Variants in WWP2 observed in about 807,000 individuals in gnomAD.
WWP2 encodes the protein NEDD4-like E3 ubiquitin-protein ligase WWP2.
In WWP2, 57 loss-of-function variants were observed where a neutral mutation model predicts 121.0. That is an observed-to-expected ratio of 0.47 (90% CI 0.38 to 0.59). The LOEUF (loss-of-function observed/expected upper bound fraction) is 0.59. Ranked by LOEUF, WWP2 falls within the 20% of genes least tolerant of loss-of-function variation. The probability of loss-of-function intolerance (pLI) is 0.00; values close to 1 mark genes in which losing one functional copy is unlikely to be tolerated. For missense variants in WWP2, 962 were observed against 1,158.9 expected, an observed-to-expected ratio of 0.83 and a Z score of 2.47; for synonymous variants, 449 against 441.3, an observed-to-expected ratio of 1.02 and a Z score of -0.22.
intron 4 of WWP2, among the ~76,000 whole-genome samples, chr16:69,829,589 A>G (rs2056759490): frequency 6.6e-6 from 1 of 152,162 alleles, no homozygotes. Flanking sequence ...CTACCCTGCT[A>G]GCTGTCTTCT....
At chr16:69,841,937 C>T (rs376554965) in intron 5 of WWP2, 87 bp from the exon 6 acceptor site, 23 of 1,331,338 alleles carry the variant, frequency 1.7e-5, no homozygotes, top group South Asian at 7.7e-5. Context: ...AACACACAGA[C>T]GGAGTTCTGT....
intron 13 of WWP2, among the ~76,000 whole-genome samples, chr16:69,930,657 C>T (rs1417947761): frequency 6.6e-6 from 1 of 152,154 alleles, no homozygotes; most frequent in East Asian, 1.9e-4. Context: ...TATGATGGCA[C>T]CACTGCACTC....
chr16:69,791,934 G>C lies in WWP2; in HGVS notation c.70+4854G>C, dbSNP rs148131948. 2.2e-3 allele frequency among the ~76,000 whole-genome samples: 336 copies of C among 150,144 alleles called. 2 individuals carry two copies. The highest frequency in any genetic ancestry group is 5.6e-3 in the South Asian group (27 of 4,826). Reference sequence around the variant, plus strand: ...TCTTGAAGGTGAATTTTCTTACCAGGGTGGAAAGAGCCAGCTTGATAATAC... The same window carrying C: ...TCTTGAAGGTGAATTTTCTTACCAGCGTGGAAAGAGCCAGCTTGATAATAC... On this transcript the variant is annotated intron_variant, in intron 2 of 23. Transcript: ENST00000359154.
At chr16:69,777,541 T>A (rs2055562219) in intron 1 of WWP2, among the ~76,000 whole-genome samples, 1 of 151,874 alleles carries the variant, frequency 6.6e-6, no homozygotes, top group African/African-American at 2.4e-5. Context: ...CCTCAAGCAA[T>A]TCACCCACCT....
In WWP2 at chr16:69,934,011, T is replaced by C. The variant is rs770525394; in HGVS notation, c.1724T>C (p.Met575Thr). 6.2e-7 allele frequency: 1 copy of C among 1,614,204 alleles called. No individual in the cohort carries two copies. Among genetic ancestry groups the C allele is most frequent in the Non-Finnish European group, 8.5e-7 (1 of 1,180,022 alleles). The change falls in exon 17 of 24, where the codon ATG becomes ACG. Residue 575 changes from methionine to threonine, a missense_variant. Around this residue, in one of 3 missense-constraint regions of WWP2, gnomAD observed 606 missense variants for 772.6 expected, o/e 0.78. Coordinates refer to ENST00000359154, the MANE Select transcript of WWP2 (RefSeq NM_001270454.2). ...FLLSHEVLNPMYCLFEYAGKN... is the reference protein window; with the variant it reads ...FLLSHEVLNPTYCLFEYAGKN... ...CTGTCTCATGAGGTGCTCAACCCTATGTATTGTTTATTTGAATATGCCGGA... is the reference window on the plus strand; with the variant it reads ...CTGTCTCATGAGGTGCTCAACCCTACGTATTGTTTATTTGAATATGCCGGA...
intron 4 of WWP2, among the ~76,000 whole-genome samples, chr16:69,810,911 C>T (rs778582196): frequency 6.6e-5 from 10 of 152,030 alleles, no homozygotes; most frequent in African/African-American, 1.9e-4. Context: ...CACACCACCA[C>T]GCCCAGCTAA....
At position 69,940,547 on chromosome 16, in the gene WWP2, ATG is replaced by A. The variant is rs2058866827; in HGVS notation, c.*608_*609del. ...CGGCCAGTTAATTCATTCTCAGCCA[ATG>A]AAGGTTTGTCTAAGCTGCCTGGGTA... On this transcript the variant is annotated 3_prime_UTR_variant, in exon 24 of 24. Coordinates refer to ENST00000359154, the MANE Select transcript of WWP2 (RefSeq NM_001270454.2). 1 of 152,616 alleles carries A rather than the reference ATG, an allele frequency of 6.6e-6. No individual in the cohort carries two copies. The highest frequency in any genetic ancestry group is 2.1e-4 in the South Asian group (1 of 4,838). The allele number at this position is 152,616 out of a possible 1,614,324, so 9.5% of individuals were successfully genotyped here. A position where few individuals can be genotyped will look rare whatever the true frequency, so the allele number is the denominator to read the frequency against.
At chr16:69,780,527 G>A (rs1323953813) in intron 1 of WWP2, among the ~76,000 whole-genome samples, 2 of 152,072 alleles carry the variant, frequency 1.3e-5, no homozygotes, top group Non-Finnish European at 2.9e-5. Context: ...CCAAAATTAC[G>A]CGTCTTTAAC....
chr16:69,939,448 C>A (rs1241833711), intron 23 of WWP2, 35 bp downstream of exon 23: 2 of 1,610,432 alleles, frequency 1.2e-6, no homozygotes, highest in East Asian at 2.2e-5. Flanking sequence ...GGTCGGGGGG[C>A]CTCAGACCCG....
intron 4 of WWP2, among the ~76,000 whole-genome samples, chr16:69,807,604 G>A (rs1330204559): frequency 8.9e-6 from 1 of 112,380 alleles, no homozygotes; most frequent in Non-Finnish European, 1.7e-5. Flanking sequence ...GGGTGACAGA[G>A]CAAGACCCTT....
rs116809197 is a variant in WWP2, at chr16:69,763,688, C to T, written c.-16+1297C>T. ...CTTGATTTTTTAAAACAATTTATTG[C>T]TCTTTCTTGTTTGCTGGCCTCTTCC... On this transcript the variant is annotated intron_variant, in intron 1 of 23. Transcript: ENST00000359154. Among the ~76,000 whole-genome samples the T allele has an allele frequency of 5.5e-3, 832 of 152,318 alleles. 7 individuals carry two copies. The highest frequency in any genetic ancestry group is 0.012 in the African/African-American group (506 of 41,572).
In WWP2 at chr16:69,790,574, C is replaced by CTT. The variant is rs201194810; in HGVS notation, c.70+3502_70+3503dup. Among the ~76,000 whole-genome samples the CTT allele has an allele frequency of 2.6e-5, 4 of 151,300 alleles. No homozygotes were observed. The East Asian group carries it at 7.8e-4, about 29-fold the overall frequency. On this transcript the variant is annotated intron_variant, in intron 2 of 23. Transcript: ENST00000359154. Reference sequence around the variant, plus strand: ...AGGTCAACTGTATGATGTTTAGCATCTTTTTTTTTGTTTGTTTTTGAGACA... The same window carrying CTT: ...AGGTCAACTGTATGATGTTTAGCATCTTTTTTTTTTTGTTTGTTTTTGAGACA...
intron 4 of WWP2, among the ~76,000 whole-genome samples, chr16:69,831,827 C>CTTTTTTT (rs548609220): frequency 2.8e-5 from 3 of 109,072 alleles, no homozygotes; most frequent in Non-Finnish European, 3.9e-5. Flanking sequence ...AAAACAAAAC[C>CTTTTTTT]TTTTTTTTTT....
At chr16:69,834,782 C>A (rs2056847104) in intron 4 of WWP2, among the ~76,000 whole-genome samples, 1 of 151,940 alleles carries the variant, frequency 6.6e-6, no homozygotes. Context: ...CCTGCCTTGG[C>A]CTCTGAAAGT....
At chr16:69,908,010 G>A (rs368107386) in intron 8 of WWP2, among the ~76,000 whole-genome samples, 4 of 152,310 alleles carry the variant, frequency 2.6e-5, no homozygotes, top group African/African-American at 9.6e-5. Flanking sequence ...GCAGGCCAAG[G>A]TGGGTGGGTC....
chr16:69,799,945 T>G lies in WWP2; in HGVS notation c.340+650T>G, dbSNP rs1054785262. On this transcript the variant is annotated intron_variant, in intron 4 of 23. Coordinates refer to ENST00000359154, the MANE Select transcript of WWP2 (RefSeq NM_001270454.2). This position sits in a 1 kb window ranked among gnomAD's most constrained non-coding sequence, Gnocchi z 4.5. Reference sequence around the variant, plus strand: ...GGACCCTCCTTCATAAGGCCTCTATTCAGAGCAGTACCATATGTGGCGAAT... The same window carrying G: ...GGACCCTCCTTCATAAGGCCTCTATGCAGAGCAGTACCATATGTGGCGAAT... 6.6e-6 allele frequency among the ~76,000 whole-genome samples: 1 copy of G among 151,892 alleles called. No homozygotes were observed. The highest frequency in any genetic ancestry group is 1.5e-5 in the Non-Finnish European group (1 of 68,002).
At chr16:69,850,936 T>C (rs530782386) in intron 6 of WWP2, among the ~76,000 whole-genome samples, 13 of 152,256 alleles carry the variant, frequency 8.5e-5, no homozygotes, top group African/African-American at 2.6e-4. Flanking sequence ...GTACATTTGT[T>C]AGAATGATGA....
At chr16:69,802,344 A>T (rs904202910) in intron 4 of WWP2, among the ~76,000 whole-genome samples, 1 of 152,182 alleles carries the variant, frequency 6.6e-6, no homozygotes, top group Non-Finnish European at 1.5e-5. Flanking sequence ...CATCACCACC[A>T]TCTATCCCCA....
At chr16:69,849,926 TG>T (rs777275755) in intron 6 of WWP2, among the ~76,000 whole-genome samples, 28 of 152,260 alleles carry the variant, frequency 1.8e-4, no homozygotes, top group Non-Finnish European at 3.7e-4. Flanking sequence ...GATATTTATT[TG>T]GCATTTACTC....
Sources: allele counts gnomAD v4.1 joint callset (sites outside exome capture counted in the v4.1 genomes callset), GRCh38; gene constraint gnomAD v4.1.1; regional missense constraint gnomAD v4.1.1; non-coding constraint Gnocchi (gnomAD v3.1); transcripts MANE v1.5; gene names NCBI Gene and HGNC (gene_info 2026-07-23, HGNC 2026-07-21).